GALNT13: variants seen among roughly 807,000 people sequenced by gnomAD.
The protein encoded by GALNT13 is polypeptide N-acetylgalactosaminyltransferase 13, also known as UDP-GalNAc:polypeptide N-acetylgalactosaminyltransferase 13.
In GALNT13, 28 loss-of-function variants were observed where a neutral mutation model predicts 64.2. The observed-to-expected ratio is 0.44, with a 90% confidence interval of 0.32 to 0.60. The LOEUF is 0.60. GALNT13 is among the 20% of genes least tolerant of loss of function. GALNT13 has a pLI of 0.05. For missense variants in GALNT13, 577 were observed against 669.8 expected, an observed-to-expected ratio of 0.86 and a Z score of 1.53; for synonymous variants, 214 against 224.6, an observed-to-expected ratio of 0.95 and a Z score of 0.42.
the GALNT13 span, among the ~76,000 whole-genome samples, chr2:153,541,504 G>T: frequency 2.0e-5 from 3 of 152,020 alleles, no homozygotes. Flanking sequence ...TCCAGTGTGG[G>T]TCATAGAAAC....
At chr2:153,981,999 G>A (rs1297677099) in intron 3 of GALNT13, among the ~76,000 whole-genome samples, 1 of 151,940 alleles carries the variant, frequency 6.6e-6, no homozygotes, top group Admixed American at 6.6e-5. Context: ...GCTATGAAGG[G>A]CAAATAATTA....
intron 3 of GALNT13, among the ~76,000 whole-genome samples, chr2:153,997,527 C>G (rs561756849): frequency 5.3e-5 from 8 of 152,078 alleles, no homozygotes; most frequent in Non-Finnish European, 1.0e-4. Context: ...TTATTTTGTA[C>G]CCTGCAACTT....
intron 2 of GALNT13, among the ~76,000 whole-genome samples, chr2:153,924,751 T>A (rs1380708858): frequency 6.6e-6 from 1 of 152,156 alleles, no homozygotes; most frequent in Non-Finnish European, 1.5e-5. Flanking sequence ...ATAATAGCCA[T>A]TCTTATTGGT....
chr2:153,393,990 A>C, the GALNT13 span, among the ~76,000 whole-genome samples: 10 of 91,764 alleles, frequency 1.1e-4, no homozygotes, highest in South Asian at 3.2e-4. Flanking sequence ...ACACACACAC[A>C]CCCCCTATTG....
At chr2:153,888,566 CCTGTTTCA>C (rs1372547866) in intron 1 of GALNT13, among the ~76,000 whole-genome samples, 1 of 151,928 alleles carries the variant, frequency 6.6e-6, no homozygotes, top group Non-Finnish European at 1.5e-5. Flanking sequence ...CCTTAGTGCT[CCTGTTTCA>C]TTCCATCTTG....
chr2:154,200,329 G>T (rs760458268), intron 4 of GALNT13, among the ~76,000 whole-genome samples: 8 of 149,812 alleles, frequency 5.3e-5, no homozygotes, highest in Non-Finnish European at 1.2e-4. Context: ...GTGATTAAGG[G>T]GAATATCCCA....
chr2:153,816,862 G>T, the GALNT13 span, among the ~76,000 whole-genome samples: 3 of 152,092 alleles, frequency 2.0e-5, no homozygotes, highest in African/African-American at 7.2e-5. Flanking sequence ...CAATATATAA[G>T]TTACAATGCA....
the GALNT13 span, among the ~76,000 whole-genome samples, chr2:153,829,765 G>A: frequency 6.6e-6 from 1 of 152,184 alleles, no homozygotes; most frequent in Non-Finnish European, 1.5e-5. Context: ...AGAAAATAAA[G>A]TTTCAAAATT....
chr2:153,559,338 T>A, the GALNT13 span, among the ~76,000 whole-genome samples: 1 of 152,182 alleles, frequency 6.6e-6, no homozygotes, highest in South Asian at 2.1e-4. Flanking sequence ...CCTAACGGTC[T>A]CCCCTTCTAT....
At chr2:153,893,972 C>A (rs1448789419) in intron 1 of GALNT13, among the ~76,000 whole-genome samples, 1 of 152,004 alleles carries the variant, frequency 6.6e-6, no homozygotes, top group Non-Finnish European at 1.5e-5. Context: ...TTATGCCATG[C>A]TTTATTGTGT....
chr2:153,952,414 A>T (rs536664632), intron 3 of GALNT13, among the ~76,000 whole-genome samples: 19 of 152,272 alleles, frequency 1.2e-4, no homozygotes, highest in African/African-American at 4.6e-4. Context: ...GTGAATGATT[A>T]TATGTTTCTA....
chr2:153,431,732 G>A, the GALNT13 span, among the ~76,000 whole-genome samples: 1 of 152,272 alleles, frequency 6.6e-6, no homozygotes, highest in Middle Eastern at 3.4e-3. Flanking sequence ...GCCTTTTTCA[G>A]ATCTTTGTGA....
At chr2:153,647,235 T>C in the GALNT13 span, among the ~76,000 whole-genome samples, 2 of 152,260 alleles carry the variant, frequency 1.3e-5, no homozygotes, top group Admixed American at 6.5e-5. Context: ...CATTTTTTCA[T>C]GTATCTGTTG....
the GALNT13 span, among the ~76,000 whole-genome samples, chr2:153,579,206 T>C: frequency 1.3e-5 from 2 of 152,154 alleles, no homozygotes; most frequent in African/African-American, 2.4e-5. Flanking sequence ...CCAAGATTGA[T>C]TGGAAGATCT....
chr2:153,758,549 T>C, the GALNT13 span, among the ~76,000 whole-genome samples: 1 of 152,162 alleles, frequency 6.6e-6, no homozygotes, highest in African/African-American at 2.4e-5. Flanking sequence ...TTCGGTAGAA[T>C]TTTCATCAAT....
chr2:153,539,324 T>G, the GALNT13 span, among the ~76,000 whole-genome samples: 1 of 152,018 alleles, frequency 6.6e-6, no homozygotes. Context: ...TGCGAAAATT[T>G]TCTCCCATTC....
At chr2:153,728,477 TG>T in the GALNT13 span, among the ~76,000 whole-genome samples, 1 of 152,192 alleles carries the variant, frequency 6.6e-6, no homozygotes, top group Non-Finnish European at 1.5e-5. Flanking sequence ...TCAGAATCTC[TG>T]GAACACAGCA....
chr2:153,258,880 C>T, the GALNT13 span, among the ~76,000 whole-genome samples: 2 of 152,080 alleles, frequency 1.3e-5, no homozygotes, highest in African/African-American at 4.8e-5. Context: ...ATGGTCTATC[C>T]TTGAGAATAA....
chr2:153,897,943 AC>A (rs71396362), intron 1 of GALNT13, among the ~76,000 whole-genome samples: 37,075 of 151,868 alleles, frequency 0.24, 4,807 homozygotes, highest in Non-Finnish European at 0.28. Context: ...AAAAAATGCC[AC>A]CTCAAATGTC....
Sources: gnomAD v4.1 joint callset for allele counts (sites outside exome capture counted in the v4.1 genomes callset) on GRCh38, gnomAD v4.1.1 for gene constraint, MANE v1.5 for transcripts, NCBI Gene and HGNC (gene_info 2026-07-23, HGNC 2026-07-21) for gene names.